The following CNTN4 variants were observed in gnomAD, a reference collection of about 807,000 sequenced individuals.
The protein encoded by CNTN4 is contactin-4.
A neutral mutation model predicts 122.5 loss-of-function variants in CNTN4; 77 were observed. The ratio of observed to expected loss-of-function variants is 0.63; its 90% CI spans 0.52 to 0.76. The LOEUF is 0.76. CNTN4 is among the 30% of genes least tolerant of loss of function. CNTN4 has a pLI of 0.00. For synonymous variants in CNTN4, 512 were observed against 447.0 expected (o/e 1.15, Z -1.83); for missense variants, 1,256 against 1,259.1 (o/e 1.00, Z 0.04).
At chr3:2,369,521 A>G (rs1559493365) in intron 3 of CNTN4, among the ~76,000 whole-genome samples, 3 of 152,208 alleles carry the variant, frequency 2.0e-5, no homozygotes, top group Non-Finnish European at 4.4e-5. Context: ...GGTTGCAGCA[A>G]TTATGAAAGT....
chr3:2,397,228 C>T (rs1191386493), intron 3 of CNTN4, among the ~76,000 whole-genome samples: 1 of 152,116 alleles, frequency 6.6e-6, no homozygotes, highest in East Asian at 1.9e-4. Context: ...TGAAAGCAAA[C>T]ATCTGATATA....
At chr3:2,340,867 A>G (rs1206541281) in intron 3 of CNTN4, among the ~76,000 whole-genome samples, 2 of 151,782 alleles carry the variant, frequency 1.3e-5, no homozygotes, top group African/African-American at 4.8e-5. Context: ...AAAAACAGTA[A>G]CTTTATTATT....
chr3:2,917,185 C>T (rs1347339238), intron 12 of CNTN4, among the ~76,000 whole-genome samples: 1 of 150,254 alleles, frequency 6.7e-6, no homozygotes, highest in Non-Finnish European at 1.5e-5. Flanking sequence ...CCTGCAATCG[C>T]AGGCAGTCGG....
intron 6 of CNTN4, among the ~76,000 whole-genome samples, chr3:2,802,461 C>T (rs556085704): frequency 3.2e-4 from 48 of 152,188 alleles, no homozygotes; most frequent in African/African-American, 7.0e-4. Flanking sequence ...GGAATAGCAC[C>T]GAGGTGCTGT....
At chr3:2,249,429 G>C (rs996981293) in intron 2 of CNTN4, among the ~76,000 whole-genome samples, 1 of 151,976 alleles carries the variant, frequency 6.6e-6, no homozygotes, top group Non-Finnish European at 1.5e-5. Flanking sequence ...TGACTAGAAA[G>C]TGTACTTTTT....
intron 3 of CNTN4, among the ~76,000 whole-genome samples, chr3:2,562,293 G>A (rs1305186397): frequency 6.6e-6 from 1 of 152,068 alleles, no homozygotes; most frequent in Non-Finnish European, 1.5e-5. Flanking sequence ...TATATTGTGT[G>A]ATGCTGAAAT....
chr3:2,568,388 A>G (rs1029487761), intron 3 of CNTN4, among the ~76,000 whole-genome samples: 2 of 150,950 alleles, frequency 1.3e-5, no homozygotes, highest in Non-Finnish European at 2.9e-5. Context: ...GCTCAATGAG[A>G]GAAAGCAATC....
At chr3:2,387,521 T>G (rs534058019) in intron 3 of CNTN4, among the ~76,000 whole-genome samples, 2 of 152,228 alleles carry the variant, frequency 1.3e-5, no homozygotes, top group African/African-American at 4.8e-5. Context: ...GGCTTTTTTA[T>G]TGTTTAAGAA....
chr3:2,303,429 A>G (rs1227782373), intron 2 of CNTN4, among the ~76,000 whole-genome samples: 1 of 152,134 alleles, frequency 6.6e-6, no homozygotes, highest in African/African-American at 2.4e-5. Context: ...CCGACATTTC[A>G]TTAAATGGAA....
intron 4 of CNTN4, among the ~76,000 whole-genome samples, chr3:2,622,259 A>G (rs2082019194): frequency 6.6e-6 from 1 of 152,178 alleles, no homozygotes; most frequent in African/African-American, 2.4e-5. Flanking sequence ...CCAGCTGAAA[A>G]CATAGTCTCC....
chr3:2,465,751 CCT>C (rs1285970762), intron 3 of CNTN4, among the ~76,000 whole-genome samples: 1 of 151,904 alleles, frequency 6.6e-6, no homozygotes, highest in Non-Finnish European at 1.5e-5. Context: ...CAACTTGAAA[CCT>C]CTCTGTGTTT....
intron 2 of CNTN4, among the ~76,000 whole-genome samples, chr3:2,315,506 C>A (rs12490811): frequency 0.42 from 64,141 of 151,478 alleles, 14,819 homozygotes; most frequent in Admixed American, 0.51. Context: ...GGTGGGCTTA[C>A]GAGATTTCTA....
At chr3:2,156,574 A>G (rs1330914398) in intron 2 of CNTN4, among the ~76,000 whole-genome samples, 3 of 152,218 alleles carry the variant, frequency 2.0e-5, no homozygotes, top group African/African-American at 7.2e-5. Context: ...ATACAACTGT[A>G]TATGAAGCCC....
At chr3:2,183,520 G>T (rs536073382) in intron 2 of CNTN4, among the ~76,000 whole-genome samples, 2 of 152,168 alleles carry the variant, frequency 1.3e-5, no homozygotes, top group Non-Finnish European at 2.9e-5. Flanking sequence ...ACTGATTTGG[G>T]AATTTAAGGT....
chr3:2,270,787 C>A (rs899023138), intron 2 of CNTN4, among the ~76,000 whole-genome samples: 1 of 152,102 alleles, frequency 6.6e-6, no homozygotes, highest in Non-Finnish European at 1.5e-5. Flanking sequence ...CTGAGAGGGG[C>A]AGGCCATGGC....
At chr3:2,884,538 A>G (rs936426616) in intron 9 of CNTN4, among the ~76,000 whole-genome samples, 3 of 152,236 alleles carry the variant, frequency 2.0e-5, no homozygotes, top group African/African-American at 7.2e-5. Context: ...TTGCAAAACA[A>G]CATTTAAGAC....
intron 2 of CNTN4, among the ~76,000 whole-genome samples, chr3:2,209,532 G>T (rs1153537): frequency 0.56 from 85,382 of 151,790 alleles, 24,703 homozygotes; most frequent in Non-Finnish European, 0.6. Flanking sequence ...AACAAAAAAG[G>T]TCCCTGTTTT....
At chr3:2,135,063 A>G (rs960204340) in intron 2 of CNTN4, among the ~76,000 whole-genome samples, 9 of 152,236 alleles carry the variant, frequency 5.9e-5, no homozygotes, top group African/African-American at 1.9e-4. Context: ...TGTCAGTAGT[A>G]TCAAGGCTGG....
chr3:2,629,179 G>T (rs2600319), intron 4 of CNTN4, among the ~76,000 whole-genome samples: 44,994 of 151,864 alleles, frequency 0.3, 7,174 homozygotes, highest in African/African-American at 0.42. Flanking sequence ...TATAATAAGG[G>T]GAAGGAACAT....
Sources: allele counts gnomAD v4.1 joint callset (sites outside exome capture counted in the v4.1 genomes callset), GRCh38; gene constraint gnomAD v4.1.1; transcripts MANE v1.5; gene names NCBI Gene and HGNC (gene_info 2026-07-23, HGNC 2026-07-21).